Variants in CHN2 observed in about 807,000 individuals in gnomAD.
CHN2 encodes beta-chimaerin.
In CHN2, 35 loss-of-function variants were observed where a neutral mutation model predicts 56.3. The observed-to-expected ratio is 0.62, with a 90% CI of 0.47 to 0.82. The LOEUF (loss-of-function observed/expected upper bound fraction) is 0.82, where lower values mean the gene tolerates loss of function less well. Among genes scored for constraint, CHN2 ranks in the 40% least tolerant of loss-of-function variants. The probability of loss-of-function intolerance (pLI) is 0.00; values close to 1 mark genes in which losing one functional copy is unlikely to be tolerated. For missense variants in CHN2, 491 were observed against 580.5 expected (o/e 0.85, Z 1.58); for synonymous variants, 210 against 212.8 (o/e 0.99, Z 0.12).
chr7:29,508,278 G>A (rs1293530318), intron 11 of CHN2, among the ~76,000 whole-genome samples: 1 of 151,900 alleles, frequency 6.6e-6, no homozygotes, highest in East Asian at 1.9e-4. Flanking sequence ...AAAGGGGGCA[G>A]GTCTGGGGGA....
chr7:29,421,089 G>A (rs193225679), intron 6 of CHN2, among the ~76,000 whole-genome samples: 5 of 152,220 alleles, frequency 3.3e-5, no homozygotes, highest in Admixed American at 6.5e-5. Context: ...CACCATGTCC[G>A]GCTATATGGG....
At chr7:29,257,420 C>T (rs1789162073) in intron 1 of CHN2, among the ~76,000 whole-genome samples, 1 of 152,206 alleles carries the variant, frequency 6.6e-6, no homozygotes, top group African/African-American at 2.4e-5. Flanking sequence ...CCAGTGTCAG[C>T]AACTCTGCTG....
At chr7:29,180,570 T>C (rs375887578) in intron 2 of CHN2, among the ~76,000 whole-genome samples, 1 of 151,908 alleles carries the variant, frequency 6.6e-6, no homozygotes, top group East Asian at 1.9e-4. Flanking sequence ...TCTAAATTGA[T>C]ATAAAAATGA....
intron 1 of CHN2, among the ~76,000 whole-genome samples, chr7:29,252,088 C>T (rs927136666): frequency 6.6e-6 from 1 of 151,990 alleles, no homozygotes; most frequent in Non-Finnish European, 1.5e-5. Flanking sequence ...TGAATAATGT[C>T]CCCCCAAATT....
intron 1 of CHN2, among the ~76,000 whole-genome samples, chr7:29,267,167 C>T (rs1231169440): frequency 1.3e-5 from 2 of 152,128 alleles, no homozygotes; most frequent in African/African-American, 4.8e-5. Context: ...GCATGTCATC[C>T]AATGCACAAC....
intron 1 of CHN2, among the ~76,000 whole-genome samples, chr7:29,212,104 T>A (rs1301155168): frequency 2.0e-5 from 3 of 152,258 alleles, no homozygotes; most frequent in Non-Finnish European, 4.4e-5. Context: ...GACTCTTTTT[T>A]AAAAAAAGAA....
chr7:29,191,873 G>A (rs1227823157), upstream of CHN2: 2 of 152,322 alleles, frequency 1.3e-5, no homozygotes, highest in Middle Eastern at 3.4e-3. Context: ...ACCAAAGAGG[G>A]ATGTTAGCAT....
chr7:29,301,883 T>A (rs1285174347), intron 1 of CHN2, among the ~76,000 whole-genome samples: 2 of 152,196 alleles, frequency 1.3e-5, no homozygotes, highest in East Asian at 3.8e-4. Context: ...AAACATATAT[T>A]TCCACTATCT....
intron 6 of CHN2, among the ~76,000 whole-genome samples, chr7:29,473,632 T>C (rs1196925139): frequency 6.6e-6 from 1 of 151,896 alleles, no homozygotes; most frequent in Non-Finnish European, 1.5e-5. Flanking sequence ...ATGCAGATTC[T>C]CTGGCCTGAT....
intron 1 of CHN2, among the ~76,000 whole-genome samples, chr7:29,206,857 A>G (rs1025472344): frequency 6.6e-6 from 1 of 152,336 alleles, no homozygotes; most frequent in Non-Finnish European, 1.5e-5. Context: ...AAGACTGCAT[A>G]CTATATGATT....
chr7:29,473,951 A>G (rs1439686234), intron 6 of CHN2, among the ~76,000 whole-genome samples: 1 of 151,786 alleles, frequency 6.6e-6, no homozygotes, highest in Non-Finnish European at 1.5e-5. Context: ...GAATAAGAAC[A>G]TAGTCATTGT....
intron 1 of CHN2, among the ~76,000 whole-genome samples, chr7:29,250,706 T>A (rs1331956293): frequency 7.0e-6 from 1 of 142,110 alleles, no homozygotes. Flanking sequence ...TTACCTGAAC[T>A]TCTTCTTTTT....
intron 1 of CHN2, among the ~76,000 whole-genome samples, chr7:29,205,786 T>C (rs1475351673): frequency 6.6e-6 from 1 of 152,206 alleles, no homozygotes; most frequent in African/African-American, 2.4e-5. Context: ...CTGTTTATAC[T>C]TTCCCATCTA....
intron 1 of CHN2, among the ~76,000 whole-genome samples, chr7:29,349,680 G>A (rs990376): frequency 0.86 from 130,715 of 152,220 alleles, 56,235 homozygotes; most frequent in East Asian, 1. Flanking sequence ...AAAGGTTGAC[G>A]CATTTTTTAA....
At chr7:29,225,498 A>G (rs2128795888) in intron 1 of CHN2, among the ~76,000 whole-genome samples, 1 of 152,318 alleles carries the variant, frequency 6.6e-6, no homozygotes, top group Non-Finnish European at 1.5e-5. Context: ...GTGCCTTCTG[A>G]CTATCCATTT....
At chr7:29,328,070 A>C (rs556219395) in intron 1 of CHN2, among the ~76,000 whole-genome samples, 3 of 152,262 alleles carry the variant, frequency 2.0e-5, no homozygotes, top group African/African-American at 7.2e-5. Context: ...TGTCCATGAA[A>C]ATGCTTGTTC....
At chr7:29,156,595 T>C (rs1399805188) in intron 2 of CHN2, among the ~76,000 whole-genome samples, 1 of 152,234 alleles carries the variant, frequency 6.6e-6, no homozygotes, top group Non-Finnish European at 1.5e-5. Flanking sequence ...ATAAAGGTCA[T>C]CTGTGAGGGA....
chr7:29,386,489 G>A (rs933524477), intron 3 of CHN2, among the ~76,000 whole-genome samples: 3 of 151,728 alleles, frequency 2.0e-5, no homozygotes, highest in Non-Finnish European at 4.4e-5. Flanking sequence ...CAAAAGCTTT[G>A]TTCTTTCAAT....
intron 1 of CHN2, among the ~76,000 whole-genome samples, chr7:29,329,182 C>A (rs902536640): frequency 3.3e-5 from 5 of 151,984 alleles, no homozygotes; most frequent in Non-Finnish European, 5.9e-5. Context: ...AGACTCCCTC[C>A]TCTGCACTTT....
Sources: allele counts gnomAD v4.1 joint callset (sites outside exome capture counted in the v4.1 genomes callset), GRCh38; gene constraint gnomAD v4.1.1; transcripts MANE v1.5; gene names NCBI Gene and HGNC (gene_info 2026-07-23, HGNC 2026-07-21).